VRK1: variants seen among roughly 807,000 people sequenced by gnomAD.
VRK1 encodes the protein serine/threonine-protein kinase VRK1.
Under a neutral mutation model 57.1 loss-of-function variants are expected in VRK1, and 33 were observed. The observed-to-expected ratio is 0.58, with a 90% CI of 0.44 to 0.77. VRK1 has a LOEUF of 0.77. VRK1 is among the 30% of genes least tolerant of loss of function. The probability of loss-of-function intolerance (pLI) is 0.00; values close to 1 mark genes in which losing one functional copy is unlikely to be tolerated. For missense variants in VRK1, 413 were observed against 477.3 expected (o/e 0.87, Z 1.25); for synonymous variants, 137 against 147.8 (o/e 0.93, Z 0.53).
intron 1 of VRK1, among the ~76,000 whole-genome samples, chr14:96,816,095 T>C (rs146760052): frequency 4.6e-5 from 7 of 152,094 alleles, no homozygotes; most frequent in Admixed American, 3.3e-4. Context: ...GCTCCAAGAC[T>C]AGTAGGGTTG....
At chr14:96,836,500 A>C (rs1887218273) in intron 2 of VRK1, among the ~76,000 whole-genome samples, 1 of 146,828 alleles carries the variant, frequency 6.8e-6, no homozygotes. Flanking sequence ...CATGTCAAGC[A>C]CACTCCTACA....
intron 1 of VRK1, among the ~76,000 whole-genome samples, chr14:96,797,936 C>T (rs1383620241): frequency 6.6e-6 from 1 of 152,168 alleles, no homozygotes; most frequent in African/African-American, 2.4e-5. Context: ...CAGGCAGTTG[C>T]GGGCTAGAGG....
intron 1 of VRK1, among the ~76,000 whole-genome samples, chr14:96,831,813 G>T (rs1349710610): frequency 1.3e-5 from 2 of 152,180 alleles, no homozygotes; most frequent in African/African-American, 2.4e-5. Flanking sequence ...GATAAAGTGG[G>T]TTGAAATTCA....
chr14:96,852,250 G>A (rs913213748), intron 5 of VRK1, among the ~76,000 whole-genome samples: 2 of 152,162 alleles, frequency 1.3e-5, no homozygotes, highest in Non-Finnish European at 1.5e-5. Context: ...TTTATGCAAA[G>A]CCAGTTATCT....
At chr14:96,877,646 T>C in intron 12 of VRK1, 2 of 1,285,464 alleles carry the variant, frequency 1.6e-6, no homozygotes, top group Non-Finnish European at 2.0e-6. Context: ...CCTTAAATTT[T>C]AAAACTGGCA....
intron 2 of VRK1, among the ~76,000 whole-genome samples, chr14:96,836,570 T>G (rs1314953687): frequency 6.8e-6 from 1 of 146,196 alleles, no homozygotes; most frequent in Non-Finnish European, 1.5e-5. Flanking sequence ...TTGCCCAGAT[T>G]GGAGTGCAGT....
chr14:96,874,119 C>A (rs992377540), intron 11 of VRK1, among the ~76,000 whole-genome samples: 3 of 152,154 alleles, frequency 2.0e-5, no homozygotes, highest in Admixed American at 6.5e-5. Context: ...ATTTAAAAAT[C>A]TGCTCTCCAA....
At chr14:96,876,523 C>T (rs575635025) in intron 12 of VRK1, among the ~76,000 whole-genome samples, 39 of 152,018 alleles carry the variant, frequency 2.6e-4, no homozygotes, top group Non-Finnish European at 3.7e-4. Context: ...AAATAAATGA[C>T]TGAGCTGTTG....
intron 3 of VRK1, among the ~76,000 whole-genome samples, chr14:96,844,558 T>C (rs1224503457): frequency 6.6e-6 from 1 of 152,208 alleles, no homozygotes; most frequent in African/African-American, 2.4e-5. Context: ...ATTTTTATTT[T>C]TGAGACAGAA....
intron 1 of VRK1, among the ~76,000 whole-genome samples, chr14:96,804,036 C>T (rs1437980623): frequency 2.6e-5 from 4 of 152,172 alleles, no homozygotes; most frequent in Non-Finnish European, 5.9e-5. Context: ...TTGTTAAAGT[C>T]CAACTTCTCA....
At chr14:96,864,920 T>TG (rs1319132017) in intron 11 of VRK1, among the ~76,000 whole-genome samples, 36 of 132,150 alleles carry the variant, frequency 2.7e-4, no homozygotes, top group South Asian at 1.1e-3. Flanking sequence ...GTTTGCCTAT[T>TG]TAAAAAAAAA....
At chr14:96,822,756 A>G (rs115401669) in intron 1 of VRK1, among the ~76,000 whole-genome samples, 1,641 of 152,288 alleles carry the variant, frequency 0.011, 24 homozygotes, top group South Asian at 0.055. Context: ...GTGAACTACA[A>G]TGCAAGTATA....
rs78865048 is a variant in VRK1, at chr14:96,833,861, G to C, written c.160+230G>C. On this transcript the variant is annotated intron_variant, in intron 2 of 12. Coordinates refer to ENST00000216639, the MANE Select transcript of VRK1 (RefSeq NM_003384.3). ...TAATACTATCATTAGTGAGCACTAG[G>C]ACTTTAGATTTTTAAGATACTTTAT... 2.7e-4 allele frequency among the ~76,000 whole-genome samples: 41 copies of C among 152,272 alleles called. No homozygotes were observed. In the East Asian group the frequency reaches 6.4e-3, roughly 24 times the overall value.
At chr14:96,828,237 A>G (rs111980186) in intron 1 of VRK1, among the ~76,000 whole-genome samples, 40 of 152,202 alleles carry the variant, frequency 2.6e-4, no homozygotes, top group Non-Finnish European at 4.6e-4. Flanking sequence ...TTGGGTGGAC[A>G]TGTACATGCA....
chr14:96,836,490 C>T (rs1887217613), intron 2 of VRK1, among the ~76,000 whole-genome samples: 1 of 147,196 alleles, frequency 6.8e-6, no homozygotes, highest in South Asian at 2.2e-4. Flanking sequence ...GTTTTCCAAA[C>T]ATGTCAAGCA....
rs995359308 is a variant in VRK1 at position 96,824,560 on chromosome 14, TTGGCAAGTACAGACGATTATTGAAA to T, written c.-5-8892_-5-8868del. Among the ~76,000 whole-genome samples the T allele has an allele frequency of 3.3e-5, 5 of 152,108 alleles. No individual in the cohort carries two copies. In the South Asian group the frequency reaches 6.2e-4, roughly 19 times the overall value. On this transcript the variant is annotated intron_variant, in intron 1 of 12. Transcript: ENST00000216639. ...TTGGATAAGTAGGTGAAAGGAAATA[TTGGCAAGTACAGACGATTATTGAAA>T]TGGCAAGTACAGACATTTGGCATTG...
At chr14:96,848,355 G>C (rs139656987) in intron 5 of VRK1, among the ~76,000 whole-genome samples, 207 of 152,228 alleles carry the variant, frequency 1.4e-3, no homozygotes, top group Middle Eastern at 6.8e-3. Context: ...CGTTTTCTTG[G>C]TCAGAATTTT....
chr14:96,847,884 G>A (rs528180036), intron 5 of VRK1, among the ~76,000 whole-genome samples: 1 of 152,274 alleles, frequency 6.6e-6, no homozygotes, highest in East Asian at 1.9e-4. Context: ...ACTGACTTAC[G>A]TGTCTTAGGA....
chr14:96,879,503 A>G (rs1889168347), intron 12 of VRK1, among the ~76,000 whole-genome samples: 1 of 152,176 alleles, frequency 6.6e-6, no homozygotes, highest in African/African-American at 2.4e-5. Flanking sequence ...TGTTCTTTGT[A>G]GTGTGGTTAA....
Sources: allele counts gnomAD v4.1 joint callset (sites outside exome capture counted in the v4.1 genomes callset), GRCh38; gene constraint gnomAD v4.1.1; transcripts MANE v1.5; gene names NCBI Gene and HGNC (gene_info 2026-07-23, HGNC 2026-07-21).